ZNF385D: variants seen among roughly 807,000 people sequenced by gnomAD.
ZNF385D encodes the protein zinc finger protein 659.
In ZNF385D, 15 loss-of-function variants were observed where a neutral mutation model predicts 35.8. The ratio of observed to expected loss-of-function variants is 0.42; its 90% CI spans 0.28 to 0.64. ZNF385D has a LOEUF of 0.64. Among genes scored for constraint, ZNF385D ranks in the 30% least tolerant of loss-of-function variants. The pLI is 0.23. For synonymous variants in ZNF385D, 212 were observed against 186.8 expected, an observed-to-expected ratio of 1.13 and a Z score of -1.10; for missense variants, 474 against 494.6, an observed-to-expected ratio of 0.96 and a Z score of 0.39.
chr3:22,023,202 T>C (rs1369755663), intron 3 of ZNF385D, among the ~76,000 whole-genome samples: 1 of 152,036 alleles, frequency 6.6e-6, no homozygotes, highest in East Asian at 1.9e-4. Context: ...TCAAATGAGA[T>C]TGCAAGGGAT....
At chr3:21,635,188 T>A (rs1196160313) in intron 2 of ZNF385D, among the ~76,000 whole-genome samples, 1 of 152,126 alleles carries the variant, frequency 6.6e-6, no homozygotes, top group African/African-American at 2.4e-5. Context: ...AATATAATGA[T>A]GTGTAAGCTA....
chr3:22,322,860 C>G (rs928496182), intron 2 of ZNF385D, among the ~76,000 whole-genome samples: 2 of 152,060 alleles, frequency 1.3e-5, no homozygotes, highest in African/African-American at 4.8e-5. Context: ...TACTTAAGTA[C>G]TTTTTATCAT....
intron 2 of ZNF385D, among the ~76,000 whole-genome samples, chr3:22,269,759 A>C (rs184646549): frequency 1.3e-5 from 2 of 151,770 alleles, no homozygotes; most frequent in African/African-American, 4.8e-5. Flanking sequence ...TAACCTCCAA[A>C]CACCACCCTA....
At chr3:22,105,954 T>C (rs556430803) in intron 3 of ZNF385D, among the ~76,000 whole-genome samples, 1 of 152,222 alleles carries the variant, frequency 6.6e-6, no homozygotes, top group Non-Finnish European at 1.5e-5. Context: ...GTTACTATTG[T>C]ATTTTGAGTA....
At chr3:21,832,316 C>T (rs891946995) in intron 3 of ZNF385D, among the ~76,000 whole-genome samples, 4 of 152,064 alleles carry the variant, frequency 2.6e-5, no homozygotes, top group Non-Finnish European at 5.9e-5. Context: ...GTCATCTGCC[C>T]GTTAAGTATT....
At chr3:21,605,622 G>A (rs989783351) in intron 2 of ZNF385D, among the ~76,000 whole-genome samples, 4 of 152,126 alleles carry the variant, frequency 2.6e-5, no homozygotes, top group Admixed American at 6.5e-5. Context: ...ATTTTTGTCT[G>A]ACTGATTCCC....
chr3:22,012,146 C>CT (rs1263592415), intron 3 of ZNF385D, among the ~76,000 whole-genome samples: 1 of 152,126 alleles, frequency 6.6e-6, no homozygotes, highest in African/African-American at 2.4e-5. Context: ...AGAGTTTTCA[C>CT]TTTTTTCCTG....
intron 1 of ZNF385D, among the ~76,000 whole-genome samples, chr3:21,670,300 A>G (rs1186511539): frequency 6.6e-6 from 1 of 151,802 alleles, no homozygotes; most frequent in Non-Finnish European, 1.5e-5. Context: ...TGACATAAAT[A>G]CTTATGTTGA....
intron 1 of ZNF385D, among the ~76,000 whole-genome samples, chr3:21,749,642 C>T (rs1001831655): frequency 1.2e-4 from 18 of 152,150 alleles, no homozygotes; most frequent in African/African-American, 4.1e-4. Context: ...TTTGGCAATG[C>T]AATGAAATTG....
intron 3 of ZNF385D, among the ~76,000 whole-genome samples, chr3:21,517,232 G>A (rs1707626522): frequency 6.6e-6 from 1 of 151,644 alleles, no homozygotes; most frequent in Non-Finnish European, 1.5e-5. Context: ...AGACTGAGGG[G>A]ATAAAGTAGC....
At chr3:21,532,322 T>A (rs1024622360) in intron 3 of ZNF385D, among the ~76,000 whole-genome samples, 3 of 152,178 alleles carry the variant, frequency 2.0e-5, no homozygotes, top group African/African-American at 7.2e-5. Context: ...TAAACCCTTA[T>A]TATTTATGCA....
intron 3 of ZNF385D, among the ~76,000 whole-genome samples, chr3:21,758,712 G>A (rs557102054): frequency 3.9e-5 from 6 of 152,056 alleles, no homozygotes; most frequent in African/African-American, 1.4e-4. Context: ...CTTTCTGATG[G>A]TTCTCAGATT....
At chr3:21,771,595 A>G (rs2071081073) in intron 3 of ZNF385D, among the ~76,000 whole-genome samples, 1 of 151,940 alleles carries the variant, frequency 6.6e-6, no homozygotes, top group African/African-American at 2.4e-5. Flanking sequence ...TTGAAGAAAG[A>G]TGTGAAAAAA....
intron 3 of ZNF385D, among the ~76,000 whole-genome samples, chr3:21,513,458 CA>C (rs1419832160): frequency 2.6e-5 from 4 of 151,938 alleles, no homozygotes; most frequent in African/African-American, 4.8e-5. Context: ...ATGACAGTAC[CA>C]AAACACCTTG....
intron 2 of ZNF385D, among the ~76,000 whole-genome samples, chr3:22,288,514 C>T (rs1276948249): frequency 6.6e-6 from 1 of 152,002 alleles, no homozygotes; most frequent in Non-Finnish European, 1.5e-5. Flanking sequence ...CTTAATCCAT[C>T]CTGCATTAGA....
At chr3:22,233,740 T>G (rs1463366571) in intron 2 of ZNF385D, among the ~76,000 whole-genome samples, 2 of 152,106 alleles carry the variant, frequency 1.3e-5, no homozygotes, top group Non-Finnish European at 2.9e-5. Context: ...ATTCTCATCT[T>G]TTGAGTTCCA....
At chr3:21,826,121 A>T (rs1021112036) in intron 3 of ZNF385D, among the ~76,000 whole-genome samples, 3 of 152,160 alleles carry the variant, frequency 2.0e-5, no homozygotes, top group Admixed American at 2.0e-4. Context: ...GCTCTAGCCA[A>T]CTTTCTCTTA....
chr3:21,419,213 TCTTC>T lies in ZNF385D; in HGVS notation c.*1997_*2000del, dbSNP rs551425655. 1.9e-3 allele frequency: 293 copies of T among 152,400 alleles called. No individual in the cohort carries two copies. Among genetic ancestry groups the T allele is most frequent in the African/African-American group, 6.1e-3 (248 of 40,888 alleles). The allele number at this position is 152,400 out of a possible 1,614,324, so 9.4% of individuals were successfully genotyped here. A position where few individuals can be genotyped will look rare whatever the true frequency, so the allele number is the denominator to read the frequency against. On this transcript the variant is annotated 3_prime_UTR_variant, in exon 8 of 8. Coordinates refer to ENST00000281523, the MANE Select transcript of ZNF385D (RefSeq NM_024697.3). ...TCCTTTCTTCCTTCCTTCCTTCCAT[TCTTC>T]CTTCCTTCCTTCCTTCTTTCCTTCT...
At chr3:21,997,647 A>G (rs1020955166) in intron 3 of ZNF385D, among the ~76,000 whole-genome samples, 3 of 152,034 alleles carry the variant, frequency 2.0e-5, no homozygotes, top group African/African-American at 4.8e-5. Context: ...TTTGCATATC[A>G]TAGTTTATTT....
Sources: gnomAD v4.1 joint callset for allele counts (sites outside exome capture counted in the v4.1 genomes callset) on GRCh38, gnomAD v4.1.1 for gene constraint, MANE v1.5 for transcripts, NCBI Gene and HGNC (gene_info 2026-07-23, HGNC 2026-07-21) for gene names.